The following TDP2 variants were observed in gnomAD, a reference collection of about 807,000 sequenced individuals.
TDP2 encodes tyrosyl-DNA phosphodiesterase 2, also known as 5'-Tyr-DNA phosphodiesterase.
A neutral mutation model predicts 42.8 loss-of-function variants in TDP2; 38 were observed. The observed-to-expected ratio is 0.89, with a 90% CI of 0.68 to 1.16. The LOEUF (loss-of-function observed/expected upper bound fraction) is 1.16, where lower values mean the gene tolerates loss of function less well. Among genes scored for constraint, TDP2 ranks in the 50% most tolerant of loss-of-function variants. The pLI is 0.00. For missense variants in TDP2, 439 were observed against 439.3 expected, an observed-to-expected ratio of 1.00 and a Z score of 0.01; for synonymous variants, 173 against 150.6, an observed-to-expected ratio of 1.15 and a Z score of -1.09.
rs1392659242 is a variant in TDP2 at position 24,650,190 on chromosome 6, T to C, written c.*598A>G. Reference sequence around the variant, plus strand: ...ATTTTAACCATCATCAAGCTTAACTTTGCCTCTGTTGACAACATGACTACA... The same window carrying C: ...ATTTTAACCATCATCAAGCTTAACTCTGCCTCTGTTGACAACATGACTACA... On this transcript the variant is annotated 3_prime_UTR_variant, in exon 7 of 7. Coordinates refer to ENST00000378198, the MANE Select transcript of TDP2 (RefSeq NM_016614.3). 1 of 152,262 alleles carries C rather than the reference T, an allele frequency of 6.6e-6. No homozygotes were observed. The highest frequency in any genetic ancestry group is 2.4e-5 in the African/African-American group (1 of 41,444). 9.4% of individuals were successfully genotyped at this position (152,262 alleles called of 1,614,324 possible). A position where few individuals can be genotyped will look rare whatever the true frequency, so the allele number is the denominator to read the frequency against.
At chr6:24,659,628 G>A (rs1236879787) in intron 2 of TDP2, among the ~76,000 whole-genome samples, 1 of 152,104 alleles carries the variant, frequency 6.6e-6, no homozygotes, top group African/African-American at 2.4e-5. Context: ...CAGAAACGTA[G>A]GATTTCTAAA....
In TDP2 at chr6:24,650,630, T is replaced by A. The variant is rs1777956468; in HGVS notation, c.*158A>T. 4.3e-6 allele frequency: 3 copies of A among 704,858 alleles called. No homozygotes were observed. The highest frequency in any genetic ancestry group is 2.7e-5 in the East Asian group (1 of 36,750). 43.7% of individuals were successfully genotyped at this position (704,858 alleles called of 1,614,324 possible). A position where few individuals can be genotyped will look rare whatever the true frequency, so the allele number is the denominator to read the frequency against. On this transcript the variant is annotated 3_prime_UTR_variant, in exon 7 of 7. Transcript: ENST00000378198. ...ATGTGTTCGTTTAAATAAACATTAA[T>A]CTTTAATGTTGAATTCTGAAAACAC...
chr6:24,664,629 G>A (rs920271242), intron 2 of TDP2, among the ~76,000 whole-genome samples: 1 of 152,184 alleles, frequency 6.6e-6, no homozygotes, highest in Non-Finnish European at 1.5e-5. Context: ...TTGCTCAGCA[G>A]GGTTGAGTTT....
In TDP2 at chr6:24,650,897, C is replaced by T; in HGVS notation, c.980G>A (p.Gly327Glu). ...GTCCAAACTTCGGGGAATAATGTGT[C>T]CCTCTTCTGCTGCTGCTCTGAAAAA... ...RIFFRAAAEE[G>E]HIIPRSLDLL... The change falls in exon 7 of 7, where the codon GGA (glycine) becomes GAA (glutamate). Residue 327 changes from glycine to glutamate, a missense_variant. Physicochemically the swap from Gly to Glu is moderately conservative, Grantham distance 98. Transcript: ENST00000378198. 1 of 1,614,092 alleles carries T rather than the reference C, an allele frequency of 6.2e-7. No individual in the cohort carries two copies. Among genetic ancestry groups the T allele is most frequent in the African/African-American group, 1.3e-5 (1 of 75,032 alleles).
chr6:24,657,796 T>C lies in TDP2; in HGVS notation c.517+16A>G, dbSNP rs1166025491. 1.4e-6 allele frequency: 2 copies of C among 1,432,020 alleles called. No homozygotes were observed. The highest frequency in any genetic ancestry group is 1.9e-6 in the Non-Finnish European group (2 of 1,043,540). The allele number at this position is 1,432,020 out of a possible 1,614,324, so 88.7% of individuals were successfully genotyped here. A position where few individuals can be genotyped will look rare whatever the true frequency, so the allele number is the denominator to read the frequency against. ...TTTTTCAAAGAAAAGACAAGTTGAA[T>C]AACAAAAATTGTTACCTGTAATAAT... On this transcript the variant is annotated intron_variant, in intron 4 of 6. Transcript: ENST00000378198.
In TDP2 at chr6:24,666,564, C is replaced by G; in HGVS notation, c.213G>C (p.Leu71Phe). The G allele has an allele frequency of 1.9e-6, 3 of 1,614,148 alleles. No homozygotes were observed. Among genetic ancestry groups the G allele is most frequent in the Non-Finnish European group, 2.5e-6 (3 of 1,179,986 alleles). The change falls in exon 2 of 7, where the codon TTG (leucine) becomes TTC (phenylalanine). Residue 71 changes from leucine (L) to phenylalanine (F), a missense_variant. By Grantham distance (22) the Leu-to-Phe change is conservative. Transcript: ENST00000378198. ...CAGAGATGGTTTCAGGTCGGCGTTC[C>G]AAGGCGCTCTCCTCCACCGGAGGCT... ...YFEPPVEESA[L>F]ERRPETISEP...
chr6:24,664,269 C>G (rs1778196958), intron 2 of TDP2, among the ~76,000 whole-genome samples: 1 of 148,372 alleles, frequency 6.7e-6, no homozygotes, highest in Non-Finnish European at 1.5e-5. Context: ...CTCTAAATAA[C>G]AAGGCTCTGG....
chr6:24,666,685 A>G lies in TDP2; in HGVS notation c.165+13T>C. On this transcript the variant is annotated intron_variant, in intron 1 of 6. Transcript: ENST00000378198. ...AGGTAATGGAGCCGGAAGCGAGGACAGCGAAAGCGTACTTCCATCTCCCAG... is the reference window on the plus strand; with the variant it reads ...AGGTAATGGAGCCGGAAGCGAGGACGGCGAAAGCGTACTTCCATCTCCCAG... The G allele has an allele frequency of 6.2e-7, 1 of 1,614,226 alleles. No individual in the cohort carries two copies. The highest frequency in any genetic ancestry group is 8.5e-7 in the Non-Finnish European group (1 of 1,180,006).
intron 2 of TDP2, chr6:24,666,177 G>A (rs1001698512): frequency 1.3e-6 from 2 of 1,550,530 alleles, no homozygotes; most frequent in Non-Finnish European, 8.7e-7. Flanking sequence ...AGGAAGCAAG[G>A]AGACTTCCAA....
At chr6:24,654,380 T>A (rs765549838) in intron 5 of TDP2, 32 bp downstream of exon 5, 40 of 1,103,832 alleles carry the variant, frequency 3.6e-5, no homozygotes, top group African/African-American at 3.1e-4. Flanking sequence ...ATCTTTTTTT[T>A]ATAAAACACT....
chr6:24,662,669 C>T (rs923412618), intron 2 of TDP2, among the ~76,000 whole-genome samples: 3 of 151,940 alleles, frequency 2.0e-5, no homozygotes, highest in South Asian at 2.1e-4. Flanking sequence ...GTATGCTAAG[C>T]GCCGGTCCCC....
intron 4 of TDP2, among the ~76,000 whole-genome samples, chr6:24,655,278 C>T (rs572219155): frequency 7.9e-5 from 12 of 152,028 alleles, no homozygotes; most frequent in Non-Finnish European, 1.5e-4. Flanking sequence ...GAGTAGAGGC[C>T]ATGAATGAAA....
intron 2 of TDP2, among the ~76,000 whole-genome samples, chr6:24,662,865 A>G (rs1249317057): frequency 6.6e-6 from 1 of 152,270 alleles, no homozygotes; most frequent in East Asian, 1.9e-4. Context: ...TATGAAAAGC[A>G]TTAAAACCAG....
chr6:24,666,558 G>C lies in TDP2; in HGVS notation c.219C>G (p.Arg73=). Residue 73 remains arginine, a synonymous_variant, in exon 2 of 7, where the codon CGC becomes CGG. Coordinates refer to ENST00000378198, the MANE Select transcript of TDP2 (RefSeq NM_016614.3). ...TGGGCTCAGAGATGGTTTCAGGTCGGCGTTCCAAGGCGCTCTCCTCCACCG... is the reference window on the plus strand; with the variant it reads ...TGGGCTCAGAGATGGTTTCAGGTCGCCGTTCCAAGGCGCTCTCCTCCACCG... ...EPPVEESALE[R]RPETISEPKT... is the part of the protein sequence containing the mutation. The C allele has an allele frequency of 6.2e-7, 1 of 1,614,128 alleles. No individual in the cohort carries two copies. Among genetic ancestry groups the C allele is most frequent in the Middle Eastern group, 1.6e-4 (1 of 6,062 alleles).
chr6:24,657,633 ATT>A (rs1778078084), intron 4 of TDP2, among the ~76,000 whole-genome samples, 177 bp downstream of exon 4: 1 of 146,848 alleles, frequency 6.8e-6, no homozygotes, highest in African/African-American at 2.5e-5. Context: ...CACTATTAAT[ATT>A]AAGTTGTATA....
chr6:24,665,925 A>AGGAG, intron 2 of TDP2: 1 of 601,652 alleles, frequency 1.7e-6, no homozygotes, highest in Non-Finnish European at 2.5e-6. Context: ...TTTCAAAGAC[A>AGGAG]GGAGAAAATG....
chr6:24,665,000 T>A (rs527545938), intron 2 of TDP2, among the ~76,000 whole-genome samples: 1 of 152,310 alleles, frequency 6.6e-6, no homozygotes, highest in African/African-American at 2.4e-5. Flanking sequence ...TACAATATAG[T>A]CTGTTGCAAC....
chr6:24,661,400 G>A (rs1778145775), intron 2 of TDP2, among the ~76,000 whole-genome samples: 1 of 152,208 alleles, frequency 6.6e-6, no homozygotes, highest in South Asian at 2.1e-4. Flanking sequence ...TTTTAAGCTA[G>A]GTCTTGTGCC....
Position 24,666,720 on chromosome 6 carries a change from G to A in TDP2, c.143C>T (p.Ala48Val). 6.2e-7 allele frequency: 1 copy of A among 1,614,248 alleles called. No homozygotes were observed. Among genetic ancestry groups the A allele is most frequent in the Non-Finnish European group, 8.5e-7 (1 of 1,180,044 alleles). ...TACTTCCATCTCCCAGTCGTTCTCG[G>A]CCAGGAAGCACTGAGCCACTGCGGC... is the stretch of plus-strand genomic sequence containing the variant. Reference protein sequence around the residue: ...CDAAVAQCFLAENDWEMERAL... With the variant: ...CDAAVAQCFLVENDWEMERAL... The change falls in exon 1 of 7, where the codon GCC becomes GTC. Residue 48 changes from alanine to valine, a missense_variant. Ala to Val is a moderately conservative substitution (Grantham distance 64). Transcript: ENST00000378198.
Sources: gnomAD v4.1 joint callset for allele counts (sites outside exome capture counted in the v4.1 genomes callset) on GRCh38, gnomAD v4.1.1 for gene constraint, MANE v1.5 for transcripts, NCBI Gene and HGNC (gene_info 2026-07-23, HGNC 2026-07-21) for gene names.